Variants in AGBL1 observed in about 807,000 individuals in gnomAD.
AGBL1 encodes AGBL carboxypeptidase 1.
A neutral mutation model predicts 118.9 loss-of-function variants in AGBL1; 130 were observed. The observed-to-expected ratio is 1.09, with a 90% CI of 0.95 to 1.26. The LOEUF (loss-of-function observed/expected upper bound fraction) is 1.26, where lower values mean the gene tolerates loss of function less well. Ranked by LOEUF, AGBL1 falls within the 50% of genes most tolerant of loss-of-function variation. The pLI is 0.00. For synonymous variants in AGBL1, 555 were observed against 478.9 expected, an observed-to-expected ratio of 1.16 and a Z score of -2.08; for missense variants, 1,584 against 1,298.1, an observed-to-expected ratio of 1.22 and a Z score of -3.38.
chr15:86,477,207 C>A (rs2082572649), intron 18 of AGBL1, among the ~76,000 whole-genome samples: 1 of 151,894 alleles, frequency 6.6e-6, no homozygotes, highest in Admixed American at 6.6e-5. Context: ...CAAAAGCTAG[C>A]AGAAGGCAAG....
intron 5 of AGBL1, among the ~76,000 whole-genome samples, chr15:86,211,103 G>A (rs1737439333): frequency 6.6e-6 from 1 of 152,198 alleles, no homozygotes; most frequent in Admixed American, 6.5e-5. Context: ...GGAGTTTGCT[G>A]GAGGTCCACT....
intron 22 of AGBL1, among the ~76,000 whole-genome samples, chr15:86,790,703 C>G (rs1034572539): frequency 6.6e-6 from 1 of 152,092 alleles, no homozygotes; most frequent in Non-Finnish European, 1.5e-5. Flanking sequence ...GCAACTTACT[C>G]TCAGGACTGC....
chr15:86,662,572 G>T (rs1033743331), intron 21 of AGBL1, among the ~76,000 whole-genome samples: 7 of 152,168 alleles, frequency 4.6e-5, no homozygotes, highest in African/African-American at 1.7e-4. Context: ...TGGTCTATGA[G>T]CTTTTGATTC....
intron 18 of AGBL1, among the ~76,000 whole-genome samples, chr15:86,486,896 G>A (rs1055466484): frequency 1.3e-5 from 2 of 151,974 alleles, no homozygotes; most frequent in African/African-American, 4.8e-5. Context: ...ATGAGTGGCC[G>A]AGTTCCCAGC....
chr15:86,993,068 C>T (rs943484653), intron 24 of AGBL1, among the ~76,000 whole-genome samples: 5 of 151,980 alleles, frequency 3.3e-5, no homozygotes, highest in Non-Finnish European at 7.4e-5. Flanking sequence ...TTTTTATTAT[C>T]CTAAAATAAA....
chr15:86,106,789 G>C (rs1177186598), intron 1 of AGBL1, among the ~76,000 whole-genome samples: 1 of 152,230 alleles, frequency 6.6e-6, no homozygotes, highest in Admixed American at 6.5e-5. Flanking sequence ...AAGAGAGATA[G>C]AGACAGAGAT....
intron 2 of AGBL1, among the ~76,000 whole-genome samples, chr15:86,142,656 C>A (rs1040434891): frequency 2.6e-5 from 4 of 152,132 alleles, no homozygotes; most frequent in African/African-American, 9.7e-5. Flanking sequence ...AATGACACTC[C>A]AGACCCATAG....
intron 6 of AGBL1, among the ~76,000 whole-genome samples, chr15:86,240,525 G>T (rs967728070): frequency 6.6e-6 from 1 of 152,180 alleles, no homozygotes; most frequent in Non-Finnish European, 1.5e-5. Flanking sequence ...TGAAGCAAGG[G>T]TTTCAATGTG....
chr15:86,645,368 A>G (rs1211038680), intron 21 of AGBL1, among the ~76,000 whole-genome samples: 1 of 152,200 alleles, frequency 6.6e-6, no homozygotes, highest in African/African-American at 2.4e-5. Flanking sequence ...TTGTTCTTTC[A>G]GCTTTTCTGT....
chr15:86,688,914 C>T (rs1414071278), intron 22 of AGBL1, among the ~76,000 whole-genome samples: 1 of 152,098 alleles, frequency 6.6e-6, no homozygotes, highest in African/African-American at 2.4e-5. Context: ...CTTTCTGTCC[C>T]TAAATATTAG....
intron 22 of AGBL1, among the ~76,000 whole-genome samples, chr15:86,702,220 A>G (rs570654763): frequency 5.1e-4 from 78 of 152,274 alleles, no homozygotes; most frequent in African/African-American, 1.8e-3. Flanking sequence ...TAAATAAGCC[A>G]TGACAAATAT....
At chr15:86,560,240 A>G (rs1230796880) in intron 21 of AGBL1, among the ~76,000 whole-genome samples, 2 of 151,696 alleles carry the variant, frequency 1.3e-5, no homozygotes, top group Non-Finnish European at 2.9e-5. Context: ...TGCTACACCC[A>G]TTAACTCGTC....
chr15:86,605,642 A>G (rs549668164), intron 21 of AGBL1, among the ~76,000 whole-genome samples: 1 of 152,308 alleles, frequency 6.6e-6, no homozygotes, highest in African/African-American at 2.4e-5. Context: ...CTCAGAGGTT[A>G]AGACATTGAC....
chr15:86,347,015 T>A (rs1190543600), intron 17 of AGBL1, among the ~76,000 whole-genome samples: 2 of 152,192 alleles, frequency 1.3e-5, no homozygotes, highest in Non-Finnish European at 2.9e-5. Flanking sequence ...TTATTAATAA[T>A]AGCATCTGAC....
intron 1 of AGBL1, chr15:86,116,523 T>C (rs950141433): frequency 6.6e-6 from 1 of 152,238 alleles, no homozygotes; most frequent in Non-Finnish European, 1.5e-5. Context: ...TGGGTGGGCA[T>C]AGTCTAATCT....
At chr15:86,595,573 C>T (rs62012504) in intron 21 of AGBL1, among the ~76,000 whole-genome samples, 1 of 152,184 alleles carries the variant, frequency 6.6e-6, no homozygotes, top group Admixed American at 6.5e-5. Flanking sequence ...ATTATCTCCT[C>T]TCACCCTCTC....
intron 22 of AGBL1, among the ~76,000 whole-genome samples, chr15:86,752,678 T>G (rs1420345129): frequency 6.6e-6 from 1 of 152,078 alleles, no homozygotes; most frequent in African/African-American, 2.4e-5. Context: ...TTTTTCAGAC[T>G]GACATTAAGG....
rs190341378 is a variant in AGBL1 at position 86,679,783 on chromosome 15, A to G, written c.3158+5347A>G. 3.3e-5 allele frequency among the ~76,000 whole-genome samples: 5 copies of G among 152,286 alleles called. No homozygotes were observed. In the East Asian group the frequency reaches 5.8e-4, roughly 18 times the overall value. ...AGATTAGATGATTAATTTTATCAAAAGATTCTTTAGTATCTAGAAAAATAA... is the reference window on the plus strand; with the variant it reads ...AGATTAGATGATTAATTTTATCAAAGGATTCTTTAGTATCTAGAAAAATAA... On this transcript the variant is annotated intron_variant, in intron 22 of 22. Transcript: ENST00000614907.
At chr15:86,539,130 T>G (rs529893523) in intron 19 of AGBL1, among the ~76,000 whole-genome samples, 1 of 152,288 alleles carries the variant, frequency 6.6e-6, no homozygotes, top group African/African-American at 2.4e-5. Context: ...GAGAGGGGAA[T>G]TGGTTTAGTC....
Sources: allele counts gnomAD v4.1 joint callset (sites outside exome capture counted in the v4.1 genomes callset), GRCh38; gene constraint gnomAD v4.1.1; transcripts MANE v1.5; gene names NCBI Gene and HGNC (gene_info 2026-07-23, HGNC 2026-07-21).